Variants in CEP152 observed in about 807,000 individuals in gnomAD.
The protein encoded by CEP152 is centrosomal protein of 152 kDa.
In CEP152, 132 loss-of-function variants were observed where a neutral mutation model predicts 188.9. The observed-to-expected ratio is 0.70, with a 90% CI of 0.61 to 0.81. CEP152 has a LOEUF of 0.81. Among genes scored for constraint, CEP152 ranks in the 30% least tolerant of loss-of-function variants. The pLI, the probability that CEP152 is intolerant of heterozygous loss-of-function variation, is 0.00. For missense variants in CEP152, 1,914 were observed against 1,969.8 expected (o/e 0.97, Z 0.54); for synonymous variants, 649 against 666.6 (o/e 0.97, Z 0.41).
intron 5 of CEP152, 62 bp from the exon 6 acceptor site, chr15:48,796,222 T>A (rs1006824924): frequency 1.3e-6 from 2 of 1,583,230 alleles, no homozygotes; most frequent in African/African-American, 2.7e-5. Context: ...TTATCTGAAT[T>A]AGACACCTAA....
chr15:48,761,398 A>G (rs561975370), intron 18 of CEP152, among the ~76,000 whole-genome samples: 10 of 152,350 alleles, frequency 6.6e-5, no homozygotes, highest in African/African-American at 2.2e-4. Flanking sequence ...AGAGTTTATA[A>G]TAAGTAATAA....
intron 12 of CEP152, among the ~76,000 whole-genome samples, chr15:48,780,301 AC>A (rs1457889899): frequency 6.6e-6 from 1 of 152,224 alleles, no homozygotes; most frequent in African/African-American, 2.4e-5. Context: ...CTAGAATAAT[AC>A]CATCTACTTT....
At chr15:48,784,223 T>A (rs1896471862) in intron 9 of CEP152, 103 bp from the exon 10 acceptor site, 1 of 1,133,498 alleles carries the variant, frequency 8.8e-7, no homozygotes, top group Non-Finnish European at 1.3e-6. Context: ...AAACACAAGA[T>A]CATCACATGG....
intron 2 of CEP152, among the ~76,000 whole-genome samples, chr15:48,804,664 T>A (rs1459304728): frequency 1.3e-5 from 2 of 152,254 alleles, no homozygotes; most frequent in African/African-American, 4.8e-5. Context: ...ACTTTACATA[T>A]AAATAATATG....
intron 1 of CEP152, among the ~76,000 whole-genome samples, chr15:48,809,684 T>C (rs1375458867): frequency 2.0e-5 from 3 of 152,220 alleles, no homozygotes; most frequent in African/African-American, 7.2e-5. Flanking sequence ...AAATAATACC[T>C]ACTTCAAAGA....
chr15:48,788,888 A>G lies in CEP152; in HGVS notation c.1086T>C (p.Ile362=). The change falls in exon 9 of 27, where the codon ATT becomes ATC. Residue 362 remains isoleucine (I), a synonymous_variant. Coordinates refer to ENST00000380950, the MANE Select transcript of CEP152 (RefSeq NM_001194998.2). ...LQRAREQHES[I]VMGLTKKYEE... Reference sequence around the variant, plus strand: ...CGTACTTCTTTGTGAGGCCCATAACAATGCTCTCATGCTGTTCTCTAGCTC... The same window carrying G: ...CGTACTTCTTTGTGAGGCCCATAACGATGCTCTCATGCTGTTCTCTAGCTC... 6.2e-7 allele frequency: 1 copy of G among 1,614,142 alleles called. No individual in the cohort carries two copies. Among genetic ancestry groups the G allele is most frequent in the Non-Finnish European group, 8.5e-7 (1 of 1,180,018 alleles).
intron 17 of CEP152, among the ~76,000 whole-genome samples, chr15:48,764,610 A>G (rs965297318): frequency 3.9e-5 from 6 of 152,204 alleles, no homozygotes; most frequent in Non-Finnish European, 8.8e-5. Flanking sequence ...CTTGTCTGCA[A>G]ATTCATAGGC....
At chr15:48,773,092 T>C (rs796109374) in intron 12 of CEP152, among the ~76,000 whole-genome samples, 46 of 152,324 alleles carry the variant, frequency 3.0e-4, no homozygotes, top group African/African-American at 1.0e-3. Context: ...ACAATTTCTG[T>C]TATTTTTTTC....
intron 9 of CEP152, among the ~76,000 whole-genome samples, chr15:48,786,225 C>T (rs1595675970): frequency 6.6e-6 from 1 of 152,140 alleles, no homozygotes; most frequent in Non-Finnish European, 1.5e-5. Context: ...TAACATGACA[C>T]TTCCATGAAT....
intron 2 of CEP152, 78 bp downstream of exon 2, chr15:48,805,485 T>C: frequency 2.0e-6 from 3 of 1,525,934 alleles, no homozygotes; most frequent in Non-Finnish European, 2.6e-6. Flanking sequence ...CACAAGATGA[T>C]ACAATTTTGA....
intron 13 of CEP152, among the ~76,000 whole-genome samples, chr15:48,771,537 A>C (rs2140780838): frequency 6.6e-6 from 1 of 152,346 alleles, no homozygotes; most frequent in South Asian, 2.1e-4. Flanking sequence ...ACTATTGGTA[A>C]AAGCCAATCT....
downstream of CEP152, among the ~76,000 whole-genome samples, chr15:48,733,376 G>A (rs1053091420): frequency 6.6e-6 from 1 of 152,142 alleles, no homozygotes; most frequent in Admixed American, 6.5e-5. Flanking sequence ...TCTAGAGTCA[G>A]AAAGTTCAAT....
chr15:48,782,041 C>A, intron 11 of CEP152, 98 bp downstream of exon 11: 1 of 1,118,544 alleles, frequency 8.9e-7, no homozygotes, highest in East Asian at 2.5e-5. Flanking sequence ...GTGGTCCAAC[C>A]ACCTCTATTA....
At chr15:48,744,144 CCTAGAAGAA>C in intron 24 of CEP152, 87 bp downstream of exon 24, 2 of 1,542,912 alleles carry the variant, frequency 1.3e-6, no homozygotes, top group African/African-American at 1.4e-5. Context: ...TGGAAAATTC[CCTAGAAGAA>C]CTACTGCTGG....
intron 12 of CEP152, among the ~76,000 whole-genome samples, chr15:48,778,388 T>A (rs1040136530): frequency 3.3e-5 from 5 of 152,182 alleles, no homozygotes; most frequent in Non-Finnish European, 5.9e-5. Flanking sequence ...CTCTCCTTTA[T>A]CTCCTTTGAA....
At chr15:48,760,603 T>G (rs1158601355) in intron 18 of CEP152, among the ~76,000 whole-genome samples, 2 of 152,184 alleles carry the variant, frequency 1.3e-5, no homozygotes, top group Non-Finnish European at 2.9e-5. Flanking sequence ...GGAGGACTGC[T>G]TGGTGCCAAC....
chr15:48,786,783 C>A (rs1007669823), intron 9 of CEP152, among the ~76,000 whole-genome samples: 165 of 152,276 alleles, frequency 1.1e-3, no homozygotes, highest in African/African-American at 3.9e-3. Context: ...GAAACCCACC[C>A]AGCACAGAAT....
Position 48,758,728 on chromosome 15 carries a change from A to AAT in CEP152, c.2694+1406_2694+1407insAT, listed in dbSNP as rs1469758669. 1.3e-3 allele frequency among the ~76,000 whole-genome samples: 189 copies of AAT among 150,880 alleles called. 3 individuals are homozygous for AAT. Among genetic ancestry groups the AAT allele is most frequent in the African/African-American group, 4.4e-3 (179 of 41,120 alleles). On this transcript the variant is annotated intron_variant, in intron 19 of 26. Coordinates refer to ENST00000380950, the MANE Select transcript of CEP152 (RefSeq NM_001194998.2). ...AGCAAGACTCCATCTCAAAAAAAAA[A>AAT]AAAAAAAAAGGCAAATTCCCAGGAC... is the stretch of plus-strand genomic sequence containing the variant.
chr15:48,739,085 G>T lies in CEP152; in HGVS notation c.4297C>A (p.His1433Asn). The change falls in exon 27 of 27, where the codon CAT (histidine) becomes AAT (asparagine). Residue 1433 changes from histidine to asparagine, a missense_variant. Coordinates refer to ENST00000380950, the MANE Select transcript of CEP152 (RefSeq NM_001194998.2). ...LENSEHQSIK[H>N]VGSKETHLEF... is the part of the protein sequence containing the mutation. ...AAATGTGTCTCTTTGGATCCCACAT[G>T]CTTTATGCTCTGATGCTCTGAGTTC... 1 of 1,614,180 alleles carries T rather than the reference G, an allele frequency of 6.2e-7. No individual in the cohort carries two copies. The highest frequency in any genetic ancestry group is 8.5e-7 in the Non-Finnish European group (1 of 1,180,016).
Sources: gnomAD v4.1 joint callset for allele counts (sites outside exome capture counted in the v4.1 genomes callset) on GRCh38, gnomAD v4.1.1 for gene constraint, MANE v1.5 for transcripts, NCBI Gene and HGNC (gene_info 2026-07-23, HGNC 2026-07-21) for gene names.